The following P2RX6 variants were observed in gnomAD, a reference collection of about 807,000 sequenced individuals.
P2RX6 encodes the protein purinergic receptor P2X 6, also known as P2X purinoceptor 6.
A neutral mutation model predicts 54.2 loss-of-function variants in P2RX6; 62 were observed. That is an observed-to-expected ratio of 1.14 (90% CI 0.93 to 1.41). P2RX6 has a LOEUF of 1.41. P2RX6 is among the 40% of genes most tolerant of loss of function. P2RX6 has a pLI of 0.00. For synonymous variants in P2RX6, 211 were observed against 231.9 expected (o/e 0.91, Z 0.82); for missense variants, 541 against 566.3 (o/e 0.96, Z 0.45).
chr22:21,023,546 A>T lies in P2RX6; in HGVS notation c.818A>T (p.Asp273Val). 1 of 1,613,718 alleles carries T rather than the reference A, an allele frequency of 6.2e-7. No individual in the cohort carries two copies. ...SVGIRVHWDC[D>V]LDTGDSGCWP... ...GGCATCAGAGTTCACTGGGATTGTG[A>T]CCTGGACACCGGGGACTCTGGCTGC... The change falls in exon 8 of 12, where the codon GAC becomes GTC. Residue 273 changes from aspartate to valine, a missense_variant. This residue lies in a region of P2RX6 where 526 missense variants were observed against 531.5 expected (regional missense o/e 0.99). Transcript: ENST00000413302.
intron 1 of P2RX6, among the ~76,000 whole-genome samples, 177 bp downstream of exon 1, chr22:21,015,515 G>C (rs1268588454): frequency 1.3e-5 from 2 of 152,136 alleles, no homozygotes; most frequent in Non-Finnish European, 2.9e-5. Context: ...GCAAGAACAA[G>C]CTGTGTGTTT....
intron 2 of P2RX6, among the ~76,000 whole-genome samples, chr22:21,017,311 T>C (rs1343784262): frequency 6.6e-6 from 1 of 152,190 alleles, no homozygotes; most frequent in Non-Finnish European, 1.5e-5. Flanking sequence ...TCACCTTCCC[T>C]TCCTGGGCAT....
chr22:21,025,756 C>G, intron 8 of P2RX6, 49 bp from the exon 9 acceptor site: 1 of 1,448,450 alleles, frequency 6.9e-7, no homozygotes, highest in Non-Finnish European at 9.5e-7. Flanking sequence ...GCCAGCCCCA[C>G]CTGGGGGTGG....
rs1354262099 is a variant in P2RX6, at chr22:21,026,413, T to C, written c.1129-7T>C. 1 of 1,596,838 alleles carries C rather than the reference T, an allele frequency of 6.3e-7. No individual in the cohort carries two copies. Among genetic ancestry groups the C allele is most frequent in the South Asian group, 1.1e-5 (1 of 87,726 alleles). On this transcript the variant is annotated splice_region_variant and splice_polypyrimidine_tract_variant and intron_variant, in intron 11 of 11. Coordinates refer to ENST00000413302, the MANE Select transcript of P2RX6 (RefSeq NM_005446.5). This position sits in a 1 kb window ranked among gnomAD's most constrained non-coding sequence, Gnocchi z 4.0. The stretch of plus-strand genomic sequence containing the variant: ...CTGGATCCCTGACCTGCTGTCCTCA[T>C]CTGCAGGCCAAGGCCCCGAAAGCAA...
At position 21,026,152 on chromosome 22, in the gene P2RX6, G is replaced by A. The variant is rs1928407561; in HGVS notation, c.1050+76G>A. On this transcript the variant is annotated intron_variant, in intron 10 of 11. Coordinates refer to ENST00000413302, the MANE Select transcript of P2RX6 (RefSeq NM_005446.5). The surrounding 1 kb of genome is among the most constrained non-coding windows in gnomAD (Gnocchi z 4.0). ...CAGGGTGTGTCCAATGCATGCTGGA[G>A]CCTCCGGTGCCTGCACATTGAGTCT... 6.5e-7 allele frequency: 1 copy of A among 1,528,306 alleles called. No individual in the cohort carries two copies. Among genetic ancestry groups the A allele is most frequent in the Admixed American group, 1.9e-5 (1 of 52,350 alleles). The allele number at this position is 1,528,306 out of a possible 1,614,324, so 94.7% of individuals were successfully genotyped here. A position where few individuals can be genotyped will look rare whatever the true frequency, so the allele number is the denominator to read the frequency against.
intron 3 of P2RX6, among the ~76,000 whole-genome samples, 192 bp from the exon 4 acceptor site, chr22:21,022,484 T>C (rs1927574545): frequency 6.6e-6 from 1 of 152,148 alleles, no homozygotes; most frequent in East Asian, 1.9e-4. Context: ...TCTGACCACC[T>C]CCTTTTATTT....
chr22:21,019,213 C>T (rs562840537), intron 3 of P2RX6, among the ~76,000 whole-genome samples: 67 of 152,322 alleles, frequency 4.4e-4, no homozygotes, highest in African/African-American at 1.5e-3. Context: ...GGTCGTTGTG[C>T]AGACAGCTGT....
Position 21,018,498 on chromosome 22 carries a change from C to G in P2RX6, c.387+438C>G, listed in dbSNP as rs1159186816. ...AGAGCCAAGCTGGAATATCACCTCC[C>G]CTTGTCTGTGCCCAGCCTCTATTAA... is the stretch of plus-strand genomic sequence containing the variant. On this transcript the variant is annotated intron_variant, in intron 3 of 11. Coordinates refer to ENST00000413302, the MANE Select transcript of P2RX6 (RefSeq NM_005446.5). 1.6e-5 allele frequency: 4 copies of G among 247,706 alleles called. No homozygotes were observed. In the East Asian group the frequency reaches 3.8e-4, roughly 24 times the overall value. The allele number at this position is 247,706 out of a possible 1,614,324, so 15.3% of individuals were successfully genotyped here. A position where few individuals can be genotyped will look rare whatever the true frequency, so the allele number is the denominator to read the frequency against.
At chr22:21,022,894 C>T (rs752736104) in intron 4 of P2RX6, 48 bp from the exon 5 acceptor site, 15 of 1,557,164 alleles carry the variant, frequency 9.6e-6, no homozygotes, top group Non-Finnish European at 1.2e-5. Context: ...AAGGCCTCCC[C>T]AGGCCTGCAG....
At chr22:21,020,804 C>G (rs1054370055) in intron 3 of P2RX6, among the ~76,000 whole-genome samples, 1 of 151,912 alleles carries the variant, frequency 6.6e-6, no homozygotes, top group African/African-American at 2.4e-5. Context: ...GTCGGCCAGG[C>G]TGGTCTCAAA....
rs535533481 is a variant in P2RX6, at chr22:21,022,040, G to A, written c.388-636G>A. On this transcript the variant is annotated intron_variant, in intron 3 of 11. Transcript: ENST00000413302. Reference sequence around the variant, plus strand: ...TGGACCAGAGGAGCTAGACCTGGAAGAATCACTTCCGCATCCACCAGGGAC... The same window carrying A: ...TGGACCAGAGGAGCTAGACCTGGAAAAATCACTTCCGCATCCACCAGGGAC... 3.9e-5 allele frequency among the ~76,000 whole-genome samples: 6 copies of A among 152,330 alleles called. No homozygotes were observed. The South Asian group carries it at 1.0e-3, about 26-fold the overall frequency.
upstream of P2RX6, chr22:21,014,927 C>G (rs1389147524): frequency 7.0e-6 from 3 of 427,902 alleles, no homozygotes; most frequent in East Asian, 4.1e-5. Flanking sequence ...CACTCCCACC[C>G]CAGGAAGTGA....
intron 3 of P2RX6, among the ~76,000 whole-genome samples, chr22:21,019,766 G>A (rs1202030345): frequency 6.6e-6 from 1 of 152,254 alleles, no homozygotes; most frequent in Non-Finnish European, 1.5e-5. Context: ...GCAAGCCAGT[G>A]ATAAGCATTG....
chr22:21,012,763 T>C (rs1382446008), upstream of P2RX6: 1 of 285,356 alleles, frequency 3.5e-6, no homozygotes, highest in Non-Finnish European at 6.7e-6. Flanking sequence ...TTCCACCTGC[T>C]TAAGGGACAC....
chr22:21,019,632 C>CTTT (rs1170955501), intron 3 of P2RX6, among the ~76,000 whole-genome samples: 32 of 152,228 alleles, frequency 2.1e-4, no homozygotes, highest in Non-Finnish European at 3.4e-4. Context: ...GACCTGAACC[C>CTTT]AGCGGTGCTA....
upstream of P2RX6, chr22:21,011,655 C>T: frequency 1.4e-6 from 1 of 693,716 alleles, no homozygotes; most frequent in Admixed American, 2.0e-5. Context: ...CCTCCCCCCT[C>T]TTCTGCCATC....
chr22:21,015,404 C>T, intron 1 of P2RX6, 66 bp downstream of exon 1: 1 of 1,488,488 alleles, frequency 6.7e-7, no homozygotes, highest in Non-Finnish European at 8.9e-7. Flanking sequence ...GGGGCTTGGT[C>T]CTGCTGGGTT....
At position 21,026,213 on chromosome 22, in the gene P2RX6, C is replaced by G. The variant is rs1440380255; in HGVS notation, c.1051-39C>G. On this transcript the variant is annotated intron_variant, in intron 10 of 11. Coordinates refer to ENST00000413302, the MANE Select transcript of P2RX6 (RefSeq NM_005446.5). This position sits in a 1 kb window ranked among gnomAD's most constrained non-coding sequence, Gnocchi z 4.0. ...GCTGGGGAGGTGGCAGGAGAGCAGG[C>G]TCGGGGGCTGGAACATGGGTTGGCC... is the stretch of plus-strand genomic sequence containing the variant. 1.3e-6 allele frequency: 2 copies of G among 1,558,312 alleles called. No homozygotes were observed. Among genetic ancestry groups the G allele is most frequent in the African/African-American group, 2.7e-5 (2 of 73,788 alleles).
rs538368586 is a variant in P2RX6 at position 21,023,485 on chromosome 22, G to T, written c.781-24G>T. On this transcript the variant is annotated intron_variant, in intron 7 of 11. Transcript: ENST00000413302. ...GAGGGTCCCGGGCCCACCCACCGGT[G>T]GAAAAGCTATGTGCTATGTGCAGGG... is the stretch of plus-strand genomic sequence containing the variant. The T allele has an allele frequency of 6.9e-5, 112 of 1,613,546 alleles. 2 individuals carry two copies. The South Asian group carries it at 1.2e-3, about 18-fold the overall frequency.
Sources: allele counts gnomAD v4.1 joint callset (sites outside exome capture counted in the v4.1 genomes callset), GRCh38; gene constraint gnomAD v4.1.1; regional missense constraint gnomAD v4.1.1; non-coding constraint Gnocchi (gnomAD v3.1); transcripts MANE v1.5; gene names NCBI Gene and HGNC (gene_info 2026-07-23, HGNC 2026-07-21).